C6orf89: variants seen among roughly 807,000 people sequenced by gnomAD.
The protein encoded by C6orf89 is chromosome 6 open reading frame 89, also known as bombesin receptor-activated protein C6orf89.
C6orf89 carries 29 observed loss-of-function variants against 40.7 expected under a neutral mutation model. The observed-to-expected ratio is 0.71, with a 90% CI of 0.53 to 0.97. The LOEUF is 0.97. C6orf89 is among the 50% of genes least tolerant of loss of function. The pLI, the probability that C6orf89 is intolerant of heterozygous loss-of-function variation, is 0.00. For synonymous variants in C6orf89, 165 were observed against 152.2 expected, an observed-to-expected ratio of 1.08 and a Z score of -0.62; for missense variants, 392 against 429.1, an observed-to-expected ratio of 0.91 and a Z score of 0.76.
In C6orf89 at chr6:36,902,401, C is replaced by T; in HGVS notation, c.370C>T (p.Leu124=). Reference sequence around the variant, plus strand: ...CATGTCAGAAAATAAGGGAGTTCCTCTGCATGGGGGTGATGAAGACAGACC... The same window carrying T: ...CATGTCAGAAAATAAGGGAGTTCCTTTGCATGGGGGTGATGAAGACAGACC... ...KYMSENKGVP[L]HGGDEDRPFP... The change falls in exon 4 of 9, where the codon CTG becomes TTG. Residue 124 remains leucine (L), a synonymous_variant. Transcript: ENST00000480824. 6.2e-7 allele frequency: 1 copy of T among 1,614,198 alleles called. No homozygotes were observed. Among genetic ancestry groups the T allele is most frequent in the Non-Finnish European group, 8.5e-7 (1 of 1,180,032 alleles).
upstream of C6orf89, among the ~76,000 whole-genome samples, chr6:36,885,324 C>T (rs1774933962): frequency 2.6e-5 from 4 of 152,202 alleles, no homozygotes; most frequent in East Asian, 1.9e-4. Context: ...ACCTTACTTC[C>T]GATTCCTGTG....
chr6:36,922,577 CT>C (rs568970756), intron 8 of C6orf89, among the ~76,000 whole-genome samples: 17 of 152,246 alleles, frequency 1.1e-4, no homozygotes, highest in African/African-American at 3.6e-4. Context: ...AGTCAGTCGA[CT>C]TTGGGAAATG....
At chr6:36,873,544 G>A (rs1774565190) in intron 1 of C6orf89, among the ~76,000 whole-genome samples, 1 of 152,248 alleles carries the variant, frequency 6.6e-6, no homozygotes, top group African/African-American at 2.4e-5. Context: ...TTTTCAGGAA[G>A]GAGGTGACTT....
At position 36,916,566 on chromosome 6, in the gene C6orf89, G is replaced by A. The variant is rs1367827035; in HGVS notation, c.817G>A (p.Gly273Arg). The A allele has an allele frequency of 6.2e-7, 1 of 1,614,096 alleles. No individual in the cohort carries two copies. The highest frequency in any genetic ancestry group is 2.2e-5 in the East Asian group (1 of 44,880). The change falls in exon 7 of 9, where the codon GGG becomes AGG. Residue 273 changes from glycine to arginine, a missense_variant. Gly to Arg is a moderately radical substitution (Grantham distance 125). Transcript: ENST00000480824. The stretch of plus-strand genomic sequence containing the variant: ...CTTTCTTCACCCAGAACCTGTTGTG[G>A]GGAGTAAGGTAGGAAATTTTGAGAG... ...CSFLHPEPVV[G>R]SKMHKMPDLF...
At chr6:36,879,894 G>A (rs1363889165) in intron 2 of C6orf89, among the ~76,000 whole-genome samples, 1 of 152,180 alleles carries the variant, frequency 6.6e-6, no homozygotes, top group Non-Finnish European at 1.5e-5. Context: ...ATTATCCTGA[G>A]TCATTAAAAG....
intron 1 of C6orf89, among the ~76,000 whole-genome samples, chr6:36,889,239 G>GA (rs1160385652): frequency 1.3e-5 from 2 of 152,118 alleles, no homozygotes; most frequent in African/African-American, 2.4e-5. Context: ...GGTAATAACT[G>GA]AAAAAAACGT....
At chr6:36,883,019 G>GTGAGCCACCGCGCCCGGCC (rs1375634649), upstream of C6orf89, among the ~76,000 whole-genome samples, 2 of 152,146 alleles carry the variant, frequency 1.3e-5, no homozygotes, top group Non-Finnish European at 2.9e-5. Flanking sequence ...GATTACAGGC[G>GTGAGCCACCGCGCCCGGCC]TGAGCCACCG....
At chr6:36,901,318 A>ATTTTTTTTT (rs1408790414) in intron 3 of C6orf89, among the ~76,000 whole-genome samples, 50 of 65,066 alleles carry the variant, frequency 7.7e-4, no homozygotes, top group Non-Finnish European at 9.6e-4. Flanking sequence ...TATTATTATT[A>ATTTTTTTTT]TTATTTTTTT....
chr6:36,897,447 G>A (rs950477560), intron 2 of C6orf89, among the ~76,000 whole-genome samples: 6 of 152,124 alleles, frequency 3.9e-5, no homozygotes, highest in Non-Finnish European at 5.9e-5. Flanking sequence ...GCTTTTAAGT[G>A]TATCCACATA....
intron 1 of C6orf89, among the ~76,000 whole-genome samples, chr6:36,887,803 C>T (rs887576404): frequency 3.9e-5 from 6 of 152,300 alleles, no homozygotes; most frequent in African/African-American, 7.2e-5. Flanking sequence ...ACTGCAGCCT[C>T]GAACTCCTGG....
intron 1 of C6orf89, among the ~76,000 whole-genome samples, chr6:36,888,234 C>T (rs1045867959): frequency 6.6e-6 from 1 of 152,188 alleles, no homozygotes; most frequent in Non-Finnish European, 1.5e-5. Context: ...TTGCATCCAG[C>T]TTTTTCCAAC....
intron 3 of C6orf89, among the ~76,000 whole-genome samples, chr6:36,901,178 C>T (rs1311200806): frequency 3.3e-5 from 5 of 151,134 alleles, no homozygotes; most frequent in Non-Finnish European, 3.0e-5. Flanking sequence ...GGTGGGGTTT[C>T]ACCATGTTGG....
intron 4 of C6orf89, among the ~76,000 whole-genome samples, chr6:36,912,796 C>CA (rs1477215734): frequency 6.6e-6 from 1 of 152,234 alleles, no homozygotes; most frequent in African/African-American, 2.4e-5. Flanking sequence ...CAAGAACAAA[C>CA]ACGGTCTTTC....
intron 1 of C6orf89, chr6:36,874,631 G>C: frequency 6.5e-7 from 1 of 1,547,078 alleles, no homozygotes; most frequent in Non-Finnish European, 8.9e-7. Flanking sequence ...CCGGCCTCCC[G>C]GAGGAACGCG....
At position 36,926,395 on chromosome 6, in the gene C6orf89, T is replaced by C. The variant is rs1433335905; in HGVS notation, c.*2954T>C. 6.6e-6 allele frequency: 1 copy of C among 151,550 alleles called. No individual in the cohort carries two copies. The highest frequency in any genetic ancestry group is 1.9e-4 in the East Asian group (1 of 5,182). 9.4% of individuals were successfully genotyped at this position (151,550 alleles called of 1,614,324 possible). A position where few individuals can be genotyped will look rare whatever the true frequency, so the allele number is the denominator to read the frequency against. On this transcript the variant is annotated 3_prime_UTR_variant, in exon 9 of 9. Coordinates refer to ENST00000480824, the MANE Select transcript of C6orf89 (RefSeq NM_001286635.2). Reference sequence around the variant, plus strand: ...TAAAAATACAAAAATTACCCAGGCGTGATGGTGGGCGCCTGTAATCCCAGC... The same window carrying C: ...TAAAAATACAAAAATTACCCAGGCGCGATGGTGGGCGCCTGTAATCCCAGC...
In C6orf89 at chr6:36,885,999, G is replaced by A. The variant is rs1377467813; in HGVS notation, c.-149G>A. 5.4e-6 allele frequency: 6 copies of A among 1,114,290 alleles called. No individual in the cohort carries two copies. Among genetic ancestry groups the A allele is most frequent in the Non-Finnish European group, 5.3e-6 (5 of 935,306 alleles). The allele number at this position is 1,114,290 out of a possible 1,614,324, so 69.0% of individuals were successfully genotyped here. On this transcript the variant is annotated 5_prime_UTR_variant, in exon 1 of 9. Transcript: ENST00000480824. Reference sequence around the variant, plus strand: ...CCCGGCGGCAGCTGTCCCCGAGGCGGGAGGAGCCCGAGGGGCGCGAGCCCC... The same window carrying A: ...CCCGGCGGCAGCTGTCCCCGAGGCGAGAGGAGCCCGAGGGGCGCGAGCCCC...
rs141618907 is a variant in C6orf89 at position 36,916,442 on chromosome 6, C to T, written c.696-3C>T. ...ACTTTTTTTCTGTTTCATACTTCTACAGGAGGAGACCTCTGAACAGATCAC... is the reference window on the plus strand; with the variant it reads ...ACTTTTTTTCTGTTTCATACTTCTATAGGAGGAGACCTCTGAACAGATCAC... On this transcript the variant is annotated splice_region_variant and splice_polypyrimidine_tract_variant and intron_variant, in intron 6 of 8. Coordinates refer to ENST00000480824, the MANE Select transcript of C6orf89 (RefSeq NM_001286635.2). 2.9e-5 allele frequency: 47 copies of T among 1,614,058 alleles called. No individual in the cohort carries two copies. In the African/African-American group the frequency reaches 5.2e-4, roughly 18 times the overall value.
chr6:36,916,468 A>G lies in C6orf89; in HGVS notation c.719A>G (p.Gln240Arg), dbSNP rs1357608728. ...YPWRRPLNRS[Q>R]MLRELFPVFT... ...AGGAGGAGACCTCTGAACAGATCACAAATGTTACGTGAGCTTTTTCCTGTT... is the reference window on the plus strand; with the variant it reads ...AGGAGGAGACCTCTGAACAGATCACGAATGTTACGTGAGCTTTTTCCTGTT... Residue 240 changes from glutamine to arginine, a missense_variant, in exon 7 of 9, where the codon CAA becomes CGA. Physicochemically the swap from Gln to Arg is conservative, Grantham distance 43 (BLOSUM62 1). Transcript: ENST00000480824. 6.2e-7 allele frequency: 1 copy of G among 1,614,208 alleles called. No homozygotes were observed. The highest frequency in any genetic ancestry group is 2.2e-5 in the East Asian group (1 of 44,886).
At chr6:36,908,548 CT>C in intron 4 of C6orf89, among the ~76,000 whole-genome samples, 1 of 152,290 alleles carries the variant, frequency 6.6e-6, no homozygotes, top group East Asian at 1.9e-4. Flanking sequence ...ATACATCCTT[CT>C]GAGTTTTTCC....
Sources: gnomAD v4.1 joint callset for allele counts (sites outside exome capture counted in the v4.1 genomes callset) on GRCh38, gnomAD v4.1.1 for gene constraint, MANE v1.5 for transcripts, NCBI Gene and HGNC (gene_info 2026-07-23, HGNC 2026-07-21) for gene names.